The following SGCZ variants were observed in gnomAD, a reference collection of about 807,000 sequenced individuals.
SGCZ encodes the protein sarcoglycan zeta.
In SGCZ, 40 loss-of-function variants were observed where a neutral mutation model predicts 41.3. That is an observed-to-expected ratio of 0.97 (90% confidence interval 0.75 to 1.26). The LOEUF (loss-of-function observed/expected upper bound fraction) is 1.26, where lower values mean the gene tolerates loss of function less well. SGCZ is among the 50% of genes most tolerant of loss of function. The pLI is 0.00. For missense variants in SGCZ, 552 were observed against 369.8 expected (o/e 1.49, Z -4.04); for synonymous variants, 206 against 137.5 (o/e 1.50, Z -3.49).
chr8:15,177,102 A>T (rs140513463), intron 1 of SGCZ, among the ~76,000 whole-genome samples: 1 of 152,356 alleles, frequency 6.6e-6, no homozygotes, highest in East Asian at 1.9e-4. Flanking sequence ...ATTGTAGATA[A>T]TTTATTTTCC....
At chr8:14,391,768 A>G (rs1262277162) in intron 2 of SGCZ, among the ~76,000 whole-genome samples, 2 of 152,174 alleles carry the variant, frequency 1.3e-5, no homozygotes, top group African/African-American at 4.8e-5. Flanking sequence ...AAGAAAAGCA[A>G]TTTAATTGGC....
intron 2 of SGCZ, among the ~76,000 whole-genome samples, chr8:14,347,321 T>C (rs1232333804): frequency 6.6e-6 from 1 of 152,134 alleles, no homozygotes; most frequent in Non-Finnish European, 1.5e-5. Context: ...ATTCCTACAA[T>C]AATTTGCTAC....
At chr8:14,396,448 T>C (rs1563302281) in intron 2 of SGCZ, among the ~76,000 whole-genome samples, 3 of 152,152 alleles carry the variant, frequency 2.0e-5, no homozygotes, top group South Asian at 2.1e-4. Context: ...TTTGATCACT[T>C]AGGCGTGAAG....
intron 1 of SGCZ, among the ~76,000 whole-genome samples, chr8:14,638,859 A>G (rs983951735): frequency 6.6e-6 from 1 of 151,784 alleles, no homozygotes; most frequent in Non-Finnish European, 1.5e-5. Flanking sequence ...TTTCACATTT[A>G]AAATAGGCAT....
chr8:14,583,602 G>A (rs995717142), intron 1 of SGCZ, among the ~76,000 whole-genome samples: 1 of 151,978 alleles, frequency 6.6e-6, no homozygotes. Flanking sequence ...CTGAATGGTA[G>A]TGCCTAGGTT....
chr8:15,069,083 A>G (rs1375570180), intron 1 of SGCZ, among the ~76,000 whole-genome samples: 1 of 152,232 alleles, frequency 6.6e-6, no homozygotes, highest in Non-Finnish European at 1.5e-5. Flanking sequence ...ATATTCCAGA[A>G]TGTTCTTTCA....
chr8:14,943,629 G>C (rs1048876418), intron 1 of SGCZ, among the ~76,000 whole-genome samples: 2 of 152,082 alleles, frequency 1.3e-5, no homozygotes, highest in Admixed American at 1.3e-4. Context: ...TAGGTAAACT[G>C]TGTGTCATGG....
intron 2 of SGCZ, among the ~76,000 whole-genome samples, chr8:14,379,442 A>C (rs555612568): frequency 6.6e-6 from 1 of 152,302 alleles, no homozygotes; most frequent in African/African-American, 2.4e-5. Flanking sequence ...TATATGAGGT[A>C]AACTATAAAG....
chr8:14,828,141 T>G (rs1802400962), intron 1 of SGCZ, among the ~76,000 whole-genome samples: 1 of 152,108 alleles, frequency 6.6e-6, no homozygotes, highest in Non-Finnish European at 1.5e-5. Flanking sequence ...TGGTGAAGAT[T>G]AAATGGAAGA....
rs201883145 is a variant in SGCZ at position 14,090,552 on chromosome 8, C to T, written c.830G>A (p.Arg277Gln). 4.2e-5 allele frequency: 68 copies of T among 1,612,816 alleles called. No homozygotes were observed. The highest frequency in any genetic ancestry group is 5.0e-5 in the Non-Finnish European group (59 of 1,179,424). Residue 277 changes from arginine (R) to glutamine (Q), a missense_variant, in exon 8 of 8, where the codon CGA (arginine) becomes CAA (glutamine). Arg to Gln is a conservative substitution (Grantham distance 43). Transcript: ENST00000382080. ...GACGCAGAGTTCATACACTGTCTGT[C>T]GAGAACTTGAGGAGCTGGGTGAAGA... ...SSSSPSSSSSRQTVYELCVCP... is the reference protein window; with the variant it reads ...SSSSPSSSSSQQTVYELCVCP...
rs552202406 is a variant in SGCZ at position 15,011,212 on chromosome 8, C to G, written c.39+226373G>C. Among the ~76,000 whole-genome samples, 3 of 152,146 alleles carry G rather than the reference C, an allele frequency of 2.0e-5. No individual in the cohort carries two copies. The South Asian group carries it at 6.2e-4, about 32-fold the overall frequency. ...TACATAGTTAAAGTAGGTGAAATTT[C>G]ATTACACGCTTTTTTTAACTGGATA... is the stretch of plus-strand genomic sequence containing the variant. On this transcript the variant is annotated intron_variant, in intron 1 of 7. Transcript: ENST00000382080.
intron 3 of SGCZ, among the ~76,000 whole-genome samples, chr8:14,243,699 A>G (rs1798972856): frequency 6.6e-6 from 1 of 152,118 alleles, no homozygotes; most frequent in Non-Finnish European, 1.5e-5. Flanking sequence ...CAGGCCTGAA[A>G]TTCTTATCCA....
intron 1 of SGCZ, among the ~76,000 whole-genome samples, chr8:15,058,783 T>C (rs1028137404): frequency 1.3e-5 from 2 of 152,188 alleles, no homozygotes; most frequent in African/African-American, 4.8e-5. Context: ...AAGTTCATCA[T>C]ACAGGTTATA....
intron 5 of SGCZ, among the ~76,000 whole-genome samples, chr8:14,134,208 CAATTAGA>C (rs1304973183): frequency 6.6e-6 from 1 of 152,090 alleles, no homozygotes; most frequent in Non-Finnish European, 1.5e-5. Flanking sequence ...TCACTAGGCA[CAATTAGA>C]TATTAGATAA....
intron 1 of SGCZ, among the ~76,000 whole-genome samples, chr8:14,666,784 GAAAT>G (rs1449989868): frequency 1.3e-5 from 2 of 151,802 alleles, no homozygotes; most frequent in African/African-American, 4.8e-5. Flanking sequence ...CTGCTTGAGA[GAAAT>G]AAATTCTGGA....
At chr8:14,224,602 CG>C (rs1806309623) in intron 4 of SGCZ, among the ~76,000 whole-genome samples, 1 of 152,074 alleles carries the variant, frequency 6.6e-6, no homozygotes, top group African/African-American at 2.4e-5. Flanking sequence ...TACTTTATTA[CG>C]TTGGCTACGC....
intron 1 of SGCZ, among the ~76,000 whole-genome samples, chr8:15,087,466 G>A (rs972536746): frequency 3.3e-5 from 5 of 151,984 alleles, no homozygotes; most frequent in Admixed American, 2.0e-4. Flanking sequence ...CATTCCCCAC[G>A]TTGGTTTTGG....
chr8:15,132,136 C>T (rs1313002733), intron 1 of SGCZ, among the ~76,000 whole-genome samples: 1 of 152,112 alleles, frequency 6.6e-6, no homozygotes, highest in African/African-American at 2.4e-5. Flanking sequence ...CATTGTCTTG[C>T]TATTATTTTT....
chr8:14,850,203 T>G (rs1803265732), intron 1 of SGCZ, among the ~76,000 whole-genome samples: 1 of 152,182 alleles, frequency 6.6e-6, no homozygotes, highest in African/African-American at 2.4e-5. Context: ...ATAATATTAG[T>G]GTAAGTTTTT....
Sources: allele counts gnomAD v4.1 joint callset (sites outside exome capture counted in the v4.1 genomes callset), GRCh38; gene constraint gnomAD v4.1.1; transcripts MANE v1.5; gene names NCBI Gene and HGNC (gene_info 2026-07-23, HGNC 2026-07-21).